CRTC3: variants seen among roughly 807,000 people sequenced by gnomAD.
CRTC3 encodes CREB regulated transcription coactivator 3, also known as CREB-regulated transcription coactivator 3.
In CRTC3, 26 loss-of-function variants were observed where a neutral mutation model predicts 74.5. That is an observed-to-expected ratio of 0.35 (90% CI 0.26 to 0.48). The LOEUF is 0.48. Ranked by LOEUF, CRTC3 falls within the 20% of genes least tolerant of loss-of-function variation. CRTC3 has a pLI of 0.99. For missense variants in CRTC3, 760 were observed against 787.3 expected (o/e 0.97, Z 0.41); for synonymous variants, 377 against 325.8 (o/e 1.16, Z -1.69).
At chr15:90,556,520 T>C (rs1217410667) in intron 2 of CRTC3, among the ~76,000 whole-genome samples, 3 of 152,206 alleles carry the variant, frequency 2.0e-5, no homozygotes, top group Non-Finnish European at 4.4e-5. Context: ...GTTCATGACA[T>C]AAAGTAGTTT....
At chr15:90,575,603 T>A (rs549352217) in intron 2 of CRTC3, among the ~76,000 whole-genome samples, 3 of 152,356 alleles carry the variant, frequency 2.0e-5, no homozygotes, top group Non-Finnish European at 4.4e-5. Context: ...AAATGCTACT[T>A]CCATCATAAA....
At chr15:90,632,206 A>G (rs578225992) in intron 11 of CRTC3, among the ~76,000 whole-genome samples, 11 of 152,258 alleles carry the variant, frequency 7.2e-5, no homozygotes, top group African/African-American at 2.6e-4. Flanking sequence ...TAAGATCTAA[A>G]AGTATTCTTG....
At chr15:90,542,957 A>C (rs1476779149) in intron 2 of CRTC3, among the ~76,000 whole-genome samples, 1 of 152,126 alleles carries the variant, frequency 6.6e-6, no homozygotes, top group Non-Finnish European at 1.5e-5. Context: ...CATTAGGGAC[A>C]TGATTTTGAT....
chr15:90,583,936 T>C (rs898256290), intron 2 of CRTC3, among the ~76,000 whole-genome samples: 10 of 152,162 alleles, frequency 6.6e-5, no homozygotes, highest in Non-Finnish European at 1.0e-4. Flanking sequence ...TAGACTTAAA[T>C]GATCCATTTA....
At chr15:90,615,575 C>T (rs1968471486) in intron 7 of CRTC3, among the ~76,000 whole-genome samples, 1 of 152,196 alleles carries the variant, frequency 6.6e-6, no homozygotes, top group South Asian at 2.1e-4. Context: ...ATCTAATCCA[C>T]TAGAACAGAA....
Position 90,619,803 on chromosome 15 carries a change from C to G in CRTC3, c.749+13C>G. The G allele has an allele frequency of 6.2e-7, 1 of 1,609,940 alleles. No homozygotes were observed. The highest frequency in any genetic ancestry group is 8.5e-7 in the Non-Finnish European group (1 of 1,176,120). On this transcript the variant is annotated intron_variant, in intron 9 of 14. Coordinates refer to ENST00000268184, the MANE Select transcript of CRTC3 (RefSeq NM_022769.5). ...TTGGAGGTGGCAAGTAAGTAATATT[C>G]TTTCTGTTCGTGTTTCAGGGACTAT...
intron 2 of CRTC3, among the ~76,000 whole-genome samples, chr15:90,544,538 A>G (rs961364214): frequency 1.3e-5 from 2 of 152,232 alleles, no homozygotes; most frequent in African/African-American, 4.8e-5. Context: ...TAATTTATGC[A>G]TTCATCAGTT....
chr15:90,552,595 G>A (rs1231010770), intron 2 of CRTC3, among the ~76,000 whole-genome samples: 1 of 152,174 alleles, frequency 6.6e-6, no homozygotes, highest in East Asian at 1.9e-4. Context: ...TCGGGCAGCA[G>A]GCAAACCTGG....
intron 1 of CRTC3, among the ~76,000 whole-genome samples, chr15:90,532,523 T>TGATCTATCTA (rs904254849): frequency 3.9e-5 from 6 of 152,220 alleles, no homozygotes; most frequent in African/African-American, 1.2e-4. Context: ...CAGACATTAC[T>TGATCTATCTA]GATCTATCTA....
At chr15:90,625,551 C>G (rs769264405) in intron 9 of CRTC3, among the ~76,000 whole-genome samples, 4 of 151,790 alleles carry the variant, frequency 2.6e-5, no homozygotes, top group Non-Finnish European at 5.9e-5. Flanking sequence ...TATTCTAGAC[C>G]CTAATCTAGT....
intron 2 of CRTC3, among the ~76,000 whole-genome samples, chr15:90,585,549 A>G (rs1039907774): frequency 6.6e-6 from 1 of 152,186 alleles, no homozygotes; most frequent in Admixed American, 6.5e-5. Flanking sequence ...ATAGCAAAGG[A>G]GGCAAAGCGG....
At chr15:90,613,104 G>GCGGGGGAATAGCTTGAA (rs71311224) in intron 6 of CRTC3, among the ~76,000 whole-genome samples, 351 of 150,902 alleles carry the variant, frequency 2.3e-3, no homozygotes, top group African/African-American at 8.1e-3. Context: ...GGAGGCTGAG[G>GCGGGGGAATAGCTTGAA]CCCAGGAGGT....
chr15:90,547,903 T>G (rs1308155429), intron 2 of CRTC3, among the ~76,000 whole-genome samples: 1 of 149,862 alleles, frequency 6.7e-6, no homozygotes, highest in Non-Finnish European at 1.5e-5. Context: ...TTTTTTTTTT[T>G]TTTTTTGTGA....
intron 3 of CRTC3, chr15:90,598,079 C>T: frequency 4.7e-6 from 1 of 210,744 alleles, no homozygotes; most frequent in Non-Finnish European, 9.5e-6. Context: ...GCCCACTTAC[C>T]CCACCAGCTA....
intron 1 of CRTC3, 97 bp from the exon 2 acceptor site, chr15:90,539,942 T>C (rs1966776601): frequency 1.2e-6 from 1 of 839,358 alleles, no homozygotes; most frequent in Non-Finnish European, 2.0e-6. Flanking sequence ...AACAAGACTT[T>C]CATTCTTGAA....
chr15:90,629,235 T>A lies in CRTC3; in HGVS notation c.969T>A (p.Gly323=). The change falls in exon 11 of 15, where the codon GGT becomes GGA. Residue 323 remains glycine (G), a splice_region_variant and synonymous_variant. Coordinates refer to ENST00000268184, the MANE Select transcript of CRTC3 (RefSeq NM_022769.5). ...ACTTGTGAATTTGTTGTCTTCCAGG[T>A]CTCCAGAGTTCTCGGAGTAACCCCT... ...MTHLGIRSSS[G]LQSSRSNPSI... is the part of the protein sequence containing the mutation. 1 of 1,609,004 alleles carries A rather than the reference T, an allele frequency of 6.2e-7. No individual in the cohort carries two copies. The highest frequency in any genetic ancestry group is 1.7e-5 in the Admixed American group (1 of 59,862).
chr15:90,530,343 C>A lies in CRTC3; in HGVS notation c.132+140C>A. On this transcript the variant is annotated intron_variant, in intron 1 of 14. Coordinates refer to ENST00000268184, the MANE Select transcript of CRTC3 (RefSeq NM_022769.5). This position sits in a 1 kb window ranked among gnomAD's most constrained non-coding sequence, Gnocchi z 6.2. ...GGGAACCGGCGGCTGGGAGGGGGAC[C>A]GGAGCGGCCGCGGCCTCGGCGTTTC... The A allele has an allele frequency of 2.8e-6, 1 of 359,008 alleles. No homozygotes were observed. Among genetic ancestry groups the A allele is most frequent in the South Asian group, 1.1e-4 (1 of 9,176 alleles). The allele number at this position is 359,008 out of a possible 1,614,324, so 22.2% of individuals were successfully genotyped here. A position where few individuals can be genotyped will look rare whatever the true frequency, so the allele number is the denominator to read the frequency against.
intron 6 of CRTC3, among the ~76,000 whole-genome samples, chr15:90,609,723 G>C (rs1433128323): frequency 6.6e-6 from 1 of 152,208 alleles, no homozygotes; most frequent in Non-Finnish European, 1.5e-5. Flanking sequence ...GAGAAGAGGT[G>C]AGAAATGTCA....
At chr15:90,545,415 T>TTG in intron 2 of CRTC3, among the ~76,000 whole-genome samples, 1 of 151,528 alleles carries the variant, frequency 6.6e-6, no homozygotes, top group African/African-American at 2.4e-5. Context: ...TTTTTTTTTT[T>TTG]TTGAGACTGA....
Sources: allele counts gnomAD v4.1 joint callset (sites outside exome capture counted in the v4.1 genomes callset), GRCh38; gene constraint gnomAD v4.1.1; non-coding constraint Gnocchi (gnomAD v3.1); transcripts MANE v1.5; gene names NCBI Gene and HGNC (gene_info 2026-07-23, HGNC 2026-07-21).